Variants in ARK2C observed in about 807,000 individuals in gnomAD.
The protein encoded by ARK2C is arkadia (RNF111) C-terminal like ring finger ubiquitin ligase 2C, also known as E3 ubiquitin-protein ligase ARK2C.
the ARK2C span, chr18:46,433,145 G>T: frequency 1.4e-6 from 2 of 1,463,562 alleles, no homozygotes; most frequent in African/African-American, 2.8e-5. Flanking sequence ...TGTGGCGGCC[G>T]CTCGTGCTGG....
the ARK2C span, among the ~76,000 whole-genome samples, chr18:46,393,650 C>T: frequency 4.8e-3 from 736 of 152,298 alleles, 3 homozygotes; most frequent in Non-Finnish European, 6.9e-3. Flanking sequence ...TCTTCTCAAA[C>T]CTTGATGTAT....
chr18:46,446,211 A>T, the ARK2C span, among the ~76,000 whole-genome samples: 1 of 152,248 alleles, frequency 6.6e-6, no homozygotes, highest in South Asian at 2.1e-4. Flanking sequence ...TTATTTCTTT[A>T]GGGGAAGCAA....
chr18:46,337,683 A>G, the ARK2C span: 15 of 886,586 alleles, frequency 1.7e-5, no homozygotes, highest in Non-Finnish European at 2.0e-5. Flanking sequence ...CTGTTTTCCC[A>G]TTTATTGTCG....
At chr18:46,377,776 T>C in the ARK2C span, among the ~76,000 whole-genome samples, 2 of 152,170 alleles carry the variant, frequency 1.3e-5, no homozygotes, top group African/African-American at 2.4e-5. Context: ...AGGAGTTTGA[T>C]AAACAAAGGT....
At chr18:46,456,468 C>A in the ARK2C span, 3 of 1,324,270 alleles carry the variant, frequency 2.3e-6, no homozygotes, top group Non-Finnish European at 3.3e-6. Context: ...CTGCTCCGCT[C>A]AGTGTCCCTC....
chr18:46,378,643 A>G, the ARK2C span, among the ~76,000 whole-genome samples: 2 of 152,196 alleles, frequency 1.3e-5, no homozygotes, highest in African/African-American at 4.8e-5. Context: ...AGTTTGATGA[A>G]CAAAGGTTGA....
chr18:46,401,757 G>A, the ARK2C span, among the ~76,000 whole-genome samples: 1 of 152,202 alleles, frequency 6.6e-6, no homozygotes, highest in African/African-American at 2.4e-5. Flanking sequence ...GGAGTCATGG[G>A]ACTTTAAAGT....
At chr18:46,422,952 C>T in the ARK2C span, among the ~76,000 whole-genome samples, 25 of 152,350 alleles carry the variant, frequency 1.6e-4, 1 homozygote, top group African/African-American at 5.5e-4. Context: ...AGAGTTTCCT[C>T]TTCCCTGCTC....
At chr18:46,337,234 A>G in the ARK2C span, 1 of 985,332 alleles carries the variant, frequency 1.0e-6, no homozygotes, top group Non-Finnish European at 1.2e-6. Flanking sequence ...AAGAAAAGAA[A>G]AGAAAAAAGA....
chr18:46,448,288 C>G, the ARK2C span, among the ~76,000 whole-genome samples: 268 of 152,128 alleles, frequency 1.8e-3, no homozygotes, highest in Non-Finnish European at 3.1e-3. Context: ...TGTGCCCTGG[C>G]CTTCTTGTGT....
At chr18:46,442,268 C>T in the ARK2C span, among the ~76,000 whole-genome samples, 1 of 151,922 alleles carries the variant, frequency 6.6e-6, no homozygotes, top group African/African-American at 2.4e-5. Flanking sequence ...TATTTCCTCC[C>T]TTCTACTTAT....
the ARK2C span, among the ~76,000 whole-genome samples, chr18:46,388,661 A>G: frequency 6.6e-6 from 1 of 152,136 alleles, no homozygotes; most frequent in Non-Finnish European, 1.5e-5. Flanking sequence ...GTTCCTCAAG[A>G]CATGAAGAAG....
At chr18:46,444,630 A>G in the ARK2C span, among the ~76,000 whole-genome samples, 255 of 150,908 alleles carry the variant, frequency 1.7e-3, no homozygotes, top group Non-Finnish European at 3.0e-3. Flanking sequence ...TACCCAACTA[A>G]TTTAAACATT....
At chr18:46,345,099 G>A in the ARK2C span, among the ~76,000 whole-genome samples, 6,199 of 152,264 alleles carry the variant, frequency 0.041, 416 homozygotes, top group African/African-American at 0.14. Context: ...GGGGTGCCTG[G>A]GATGCAGGGG....
the ARK2C span, among the ~76,000 whole-genome samples, chr18:46,381,724 T>C: frequency 6.6e-6 from 1 of 151,948 alleles, no homozygotes; most frequent in East Asian, 1.9e-4. Flanking sequence ...CCAGCTACAC[T>C]GGAGGTTGAG....
At chr18:46,405,740 G>A in the ARK2C span, among the ~76,000 whole-genome samples, 1 of 152,088 alleles carries the variant, frequency 6.6e-6, no homozygotes, top group Non-Finnish European at 1.5e-5. Context: ...TCCAGGATGG[G>A]TTGAATATGA....
the ARK2C span, among the ~76,000 whole-genome samples, chr18:46,360,428 A>G: frequency 6.6e-6 from 1 of 152,190 alleles, no homozygotes; most frequent in Non-Finnish European, 1.5e-5. Context: ...TCTGTGGGCT[A>G]TCCTGGGAAC....
the ARK2C span, among the ~76,000 whole-genome samples, chr18:46,445,798 A>G: frequency 6.7e-3 from 1,020 of 152,296 alleles, 9 homozygotes; most frequent in African/African-American, 0.023. Context: ...GAGATTTCAT[A>G]TATTCTGTTC....
the ARK2C span, among the ~76,000 whole-genome samples, chr18:46,353,342 G>A: frequency 6.6e-6 from 1 of 152,172 alleles, no homozygotes; most frequent in African/African-American, 2.4e-5. Flanking sequence ...TCCATGGATT[G>A]TTGGGGAGAT....
Sources: allele counts gnomAD v4.1 joint callset (sites outside exome capture counted in the v4.1 genomes callset), GRCh38; gene constraint gnomAD v4.1.1; transcripts MANE v1.5; gene names NCBI Gene and HGNC (gene_info 2026-07-23, HGNC 2026-07-21).